FRMPD4: variants seen among roughly 807,000 people sequenced by gnomAD.
The protein encoded by FRMPD4 is FERM and PDZ domain containing 4.
FRMPD4 carries 22 observed loss-of-function variants against 94.1 expected under a neutral mutation model. The observed-to-expected ratio is 0.23, with a 90% CI of 0.17 to 0.33. The LOEUF (loss-of-function observed/expected upper bound fraction) is 0.33, where lower values mean the gene tolerates loss of function less well. Ranked by LOEUF, FRMPD4 falls within the 10% of genes least tolerant of loss-of-function variation. The pLI is 1.00. For missense variants in FRMPD4, 1,111 were observed against 1,339.9 expected (o/e 0.83, Z 2.67); for synonymous variants, 631 against 548.6 (o/e 1.15, Z -2.10).
intron 3 of FRMPD4, among the ~76,000 whole-genome samples, chrX:12,130,099 C>T (rs1237022979): frequency 1.9e-5 from 1 of 51,413 alleles, no homozygotes; most frequent in Non-Finnish European, 3.1e-5. Flanking sequence ...AGGGAGCCAG[C>T]GGAAGAGAGA....
Position 12,579,028 on chromosome X carries a change from C to T in FRMPD4, c.159-30693C>T, listed in dbSNP as rs765034561. 2.7e-5 allele frequency among the ~76,000 whole-genome samples: 3 copies of T among 112,073 alleles called. No individual in the cohort carries two copies. The Admixed American group carries it at 2.8e-4, about 11-fold the overall frequency. ...AGTAAATGGGGGTGAAAAAAAGAAA[C>T]TGCTTAAAGAGCACTGAGTCAAAAG... On this transcript the variant is annotated intron_variant, in intron 2 of 16. Transcript: ENST00000675598.
At chrX:11,859,147 G>A (rs1483524000) in intron 1 of FRMPD4, among the ~76,000 whole-genome samples, 3 of 111,474 alleles carry the variant, frequency 2.7e-5, no homozygotes. Flanking sequence ...TGCATAAACT[G>A]AACTATTTGA....
At chrX:12,116,329 C>A (rs2055408516) in intron 3 of FRMPD4, among the ~76,000 whole-genome samples, 1 of 111,777 alleles carries the variant, frequency 8.9e-6, no homozygotes, top group Non-Finnish European at 1.9e-5. Context: ...TTTTCAAGAT[C>A]CGTTTTAAAA....
At chrX:12,657,018 G>A (rs760764362) in intron 4 of FRMPD4, among the ~76,000 whole-genome samples, 17 of 110,016 alleles carry the variant, frequency 1.5e-4, no homozygotes, top group East Asian at 1.4e-3. Flanking sequence ...CTCGGGAGGC[G>A]GAGGTTGTGG....
chrX:12,399,690 A>T (rs2056586849), intron 1 of FRMPD4, among the ~76,000 whole-genome samples: 1 of 111,771 alleles, frequency 8.9e-6, no homozygotes, highest in Non-Finnish European at 1.9e-5. Flanking sequence ...AGATTATCAT[A>T]AAGGTCTTCA....
intron 1 of FRMPD4, among the ~76,000 whole-genome samples, chrX:12,371,236 G>A (rs754095058): frequency 1.8e-5 from 2 of 112,352 alleles, no homozygotes; most frequent in Admixed American, 9.4e-5. Context: ...TGACATTTAC[G>A]TTTCCCCAAA....
At chrX:12,209,920 A>C (rs2056735768) in intron 1 of FRMPD4, among the ~76,000 whole-genome samples, 2 of 111,641 alleles carry the variant, frequency 1.8e-5, no homozygotes, top group Non-Finnish European at 3.8e-5. Context: ...CACTTACAAG[A>C]AATGAAGTGA....
At chrX:11,830,404 A>G (rs1233752333) in intron 1 of FRMPD4, among the ~76,000 whole-genome samples, 1 of 111,492 alleles carries the variant, frequency 9.0e-6, no homozygotes, top group East Asian at 2.8e-4. Flanking sequence ...CTCATATTTC[A>G]TGATTTTTTT....
chrX:12,263,363 G>A (rs192601904), intron 1 of FRMPD4, among the ~76,000 whole-genome samples: 12 of 111,716 alleles, frequency 1.1e-4, no homozygotes, highest in Non-Finnish European at 2.1e-4. Context: ...GCAGACAAAT[G>A]TGGCTGGACT....
At chrX:11,978,044 C>A (rs1263567251) in intron 3 of FRMPD4, among the ~76,000 whole-genome samples, 1 of 109,497 alleles carries the variant, frequency 9.1e-6, no homozygotes. Context: ...AAGTTCCGGC[C>A]GGGCTCGGTG....
intron 3 of FRMPD4, among the ~76,000 whole-genome samples, chrX:11,892,756 T>C (rs1329478206): frequency 8.9e-6 from 1 of 112,091 alleles, no homozygotes; most frequent in East Asian, 2.8e-4. Flanking sequence ...TAGATTGCTC[T>C]CTTGTCCCTA....
chrX:12,706,835 C>G lies in FRMPD4; in HGVS notation c.1207C>G (p.Leu403Val), dbSNP rs2041882672. The change falls in exon 12 of 17, where the codon CTA becomes GTA. Residue 403 changes from leucine to valine, a missense_variant. Leu to Val is a conservative substitution (Grantham distance 32). Transcript: ENST00000675598. ...LVPPGKKLSA[L>V]QAKVHYLKFL... The stretch of plus-strand genomic sequence containing the variant: ...TCTTTTCTCTCCTCAGCTCTCTGCA[C>G]TACAAGCCAAGGTCCATTATCTCAA... The G allele has an allele frequency of 1.7e-6, 2 of 1,168,726 alleles. No homozygotes were observed. The highest frequency in any genetic ancestry group is 3.0e-5 in the East Asian group (1 of 33,590).
At chrX:11,978,539 T>C (rs1010237320) in intron 3 of FRMPD4, among the ~76,000 whole-genome samples, 2 of 111,003 alleles carry the variant, frequency 1.8e-5, no homozygotes, top group African/African-American at 6.6e-5. Context: ...GAAGAATATA[T>C]GCTACTTGTC....
At chrX:12,641,594 A>C (rs2059500080) in intron 4 of FRMPD4, among the ~76,000 whole-genome samples, 1 of 112,183 alleles carries the variant, frequency 8.9e-6, no homozygotes, top group Non-Finnish European at 1.9e-5. Flanking sequence ...TAAGAAGTTC[A>C]AGTTCTGTTG....
At chrX:12,318,900 A>T (rs915960062) in intron 1 of FRMPD4, among the ~76,000 whole-genome samples, 1 of 108,382 alleles carries the variant, frequency 9.2e-6, no homozygotes, top group African/African-American at 3.5e-5. Flanking sequence ...AAAATAATTA[A>T]AAAAAAAACA....
intron 1 of FRMPD4, among the ~76,000 whole-genome samples, chrX:12,258,995 C>T (rs146911020): frequency 0.017 from 1,928 of 112,000 alleles, 39 homozygotes; most frequent in African/African-American, 0.059. Context: ...ATCACCATTC[C>T]ACTCTCTACT....
chrX:11,853,414 A>G (rs1006739358), intron 1 of FRMPD4, among the ~76,000 whole-genome samples: 1 of 111,458 alleles, frequency 9.0e-6, no homozygotes, highest in Non-Finnish European at 1.9e-5. Flanking sequence ...AACTAAAGAA[A>G]AAACCCTTCA....
At chrX:12,512,793 G>GC (rs1410111806) in intron 2 of FRMPD4, among the ~76,000 whole-genome samples, 1 of 112,277 alleles carries the variant, frequency 8.9e-6, no homozygotes, top group Non-Finnish European at 1.9e-5. Flanking sequence ...TTGACTAATT[G>GC]CCCCACTGTC....
chrX:12,106,972 G>A (rs2055304970), intron 3 of FRMPD4, among the ~76,000 whole-genome samples: 1 of 112,147 alleles, frequency 8.9e-6, no homozygotes, highest in Admixed American at 9.4e-5. Context: ...CACCTCTGGG[G>A]GCAGGGCATA....
Sources: allele counts gnomAD v4.1 joint callset (sites outside exome capture counted in the v4.1 genomes callset), GRCh38; gene constraint gnomAD v4.1.1; transcripts MANE v1.5; gene names NCBI Gene and HGNC (gene_info 2026-07-23, HGNC 2026-07-21).